Variants in PLCB1 observed in about 807,000 individuals in gnomAD.
The protein encoded by PLCB1 is 1-phosphatidylinositol 4,5-bisphosphate phosphodiesterase beta-1.
In PLCB1, 46 loss-of-function variants were observed where a neutral mutation model predicts 161.8. The ratio of observed to expected loss-of-function variants is 0.28; its 90% CI spans 0.22 to 0.36. The LOEUF is 0.36. Ranked by LOEUF, PLCB1 falls within the 10% of genes least tolerant of loss-of-function variation. The pLI is 1.00. For missense variants in PLCB1, 1,016 were observed against 1,472.5 expected, an observed-to-expected ratio of 0.69 and a Z score of 5.07; for synonymous variants, 517 against 503.7, an observed-to-expected ratio of 1.03 and a Z score of -0.35.
chr20:8,422,400 T>G lies in PLCB1; in HGVS notation c.246+50950T>G, dbSNP rs187806756. ...ATTATGCAAAATGCCTGCAGAAATA[T>G]CTCTATCAGAAGCAACTAAAACGTA... On this transcript the variant is annotated intron_variant, in intron 3 of 31. Transcript: ENST00000338037. Among the ~76,000 whole-genome samples the G allele has an allele frequency of 2.0e-5, 3 of 152,354 alleles. No individual in the cohort carries two copies. The East Asian group carries it at 5.8e-4, about 29-fold the overall frequency.
chr20:8,254,604 A>G (rs188586267), intron 2 of PLCB1, among the ~76,000 whole-genome samples: 44 of 152,160 alleles, frequency 2.9e-4, no homozygotes, highest in African/African-American at 1.0e-3. Flanking sequence ...AGGCTTATGT[A>G]ATATACAGGC....
chr20:8,754,091 G>C (rs922256627), intron 23 of PLCB1, among the ~76,000 whole-genome samples: 1 of 152,086 alleles, frequency 6.6e-6, no homozygotes, highest in Non-Finnish European at 1.5e-5. Context: ...CTTTATCCCC[G>C]ACTGCAACCA....
At chr20:8,604,209 T>C (rs1021249485) in intron 3 of PLCB1, among the ~76,000 whole-genome samples, 1 of 116,622 alleles carries the variant, frequency 8.6e-6, no homozygotes, top group African/African-American at 3.4e-5. Context: ...GCCAAGATCA[T>C]ACCACTGCAC....
intron 2 of PLCB1, among the ~76,000 whole-genome samples, chr20:8,171,010 C>T (rs1221972615): frequency 6.6e-6 from 1 of 152,102 alleles, no homozygotes; most frequent in Non-Finnish European, 1.5e-5. Flanking sequence ...ACATTATTTT[C>T]TATTCTGATT....
At chr20:8,686,118 G>A (rs1372125804) in intron 10 of PLCB1, among the ~76,000 whole-genome samples, 1 of 152,142 alleles carries the variant, frequency 6.6e-6, no homozygotes, top group East Asian at 1.9e-4. Context: ...ATAATACACA[G>A]ATCTTGCTAG....
At position 8,186,653 on chromosome 20, in the gene PLCB1, A is replaced by G. The variant is rs185864250; in HGVS notation, c.177+36282A>G. 3.3e-5 allele frequency among the ~76,000 whole-genome samples: 5 copies of G among 152,308 alleles called. No individual in the cohort carries two copies. The East Asian group carries it at 5.8e-4, about 18-fold the overall frequency. On this transcript the variant is annotated intron_variant, in intron 2 of 31. Transcript: ENST00000338037. ...TTCTCTATTTGCCTGTGATAAGTCC[A>G]GATTCTCTGAGAAGCAGACATCATC... is the stretch of plus-strand genomic sequence containing the variant.
intron 4 of PLCB1, among the ~76,000 whole-genome samples, chr20:8,645,772 A>C (rs181355791): frequency 5.3e-5 from 8 of 152,196 alleles, no homozygotes; most frequent in Non-Finnish European, 8.8e-5. Context: ...TAAATTTTTA[A>C]TGACTCTTTA....
At chr20:8,261,579 C>T (rs1320247968) in intron 2 of PLCB1, among the ~76,000 whole-genome samples, 1 of 152,002 alleles carries the variant, frequency 6.6e-6, no homozygotes, top group Non-Finnish European at 1.5e-5. Flanking sequence ...TAATGGTTGA[C>T]CAGGGGATCT....
chr20:8,132,466 C>A lies in PLCB1; in HGVS notation c.-186C>A. 1 of 335,860 alleles carries A rather than the reference C, an allele frequency of 3.0e-6. No homozygotes were observed. The allele number at this position is 335,860 out of a possible 1,614,324, so 20.8% of individuals were successfully genotyped here. A position where few individuals can be genotyped will look rare whatever the true frequency, so the allele number is the denominator to read the frequency against. On this transcript the variant is annotated 5_prime_UTR_variant, in exon 1 of 32. Coordinates refer to ENST00000338037, the MANE Select transcript of PLCB1 (RefSeq NM_015192.4). This position sits in a 1 kb window ranked among gnomAD's most constrained non-coding sequence, Gnocchi z 5.2. Reference sequence around the variant, plus strand: ...CATGGCCGGGCGCTGCGCCCCCGCGCGCTCTGCCTGCTGAGCGGCGCCGGA... The same window carrying A: ...CATGGCCGGGCGCTGCGCCCCCGCGAGCTCTGCCTGCTGAGCGGCGCCGGA...
intron 31 of PLCB1, among the ~76,000 whole-genome samples, chr20:8,855,731 A>T (rs1987045655): frequency 6.6e-6 from 1 of 152,154 alleles, no homozygotes; most frequent in African/African-American, 2.4e-5. Flanking sequence ...CATAAACCAT[A>T]AGGGGGGAAA....
At chr20:8,213,057 T>C (rs1387358126) in intron 2 of PLCB1, among the ~76,000 whole-genome samples, 2 of 152,150 alleles carry the variant, frequency 1.3e-5, no homozygotes, top group Admixed American at 6.6e-5. Flanking sequence ...TTGCACACCA[T>C]GTTTCCTTCT....
chr20:8,252,824 A>G (rs1157389691), intron 2 of PLCB1, among the ~76,000 whole-genome samples: 1 of 151,956 alleles, frequency 6.6e-6, no homozygotes, highest in African/African-American at 2.4e-5. Context: ...ACTTCCTGTC[A>G]TGGCTATAAT....
chr20:8,709,946 A>T (rs891441327), intron 12 of PLCB1, among the ~76,000 whole-genome samples: 1 of 152,170 alleles, frequency 6.6e-6, no homozygotes, highest in Non-Finnish European at 1.5e-5. Context: ...TTTAATACCT[A>T]GTTTGCTTTG....
chr20:8,810,980 A>T (rs1165145912), intron 31 of PLCB1, among the ~76,000 whole-genome samples: 1 of 152,204 alleles, frequency 6.6e-6, no homozygotes, highest in Non-Finnish European at 1.5e-5. Flanking sequence ...CTCAAAAATA[A>T]ATAAATAAAT....
intron 3 of PLCB1, among the ~76,000 whole-genome samples, chr20:8,553,045 T>G (rs1469484989): frequency 6.6e-6 from 1 of 152,130 alleles, no homozygotes; most frequent in Non-Finnish European, 1.5e-5. Flanking sequence ...CCGATTTACA[T>G]CCATCGCTGC....
chr20:8,271,241 CT>C (rs1982264257), intron 2 of PLCB1, among the ~76,000 whole-genome samples: 1 of 152,068 alleles, frequency 6.6e-6, no homozygotes, highest in Non-Finnish European at 1.5e-5. Context: ...TTCAATTTTT[CT>C]TTTGGCAGTT....
At chr20:8,735,832 C>T (rs1241166762) in intron 19 of PLCB1, among the ~76,000 whole-genome samples, 1 of 152,170 alleles carries the variant, frequency 6.6e-6, no homozygotes, top group Admixed American at 6.5e-5. Flanking sequence ...CCAAATAGAA[C>T]ATACAGGGGA....
At chr20:8,552,760 C>T (rs967433608) in intron 3 of PLCB1, among the ~76,000 whole-genome samples, 4 of 152,064 alleles carry the variant, frequency 2.6e-5, no homozygotes, top group Non-Finnish European at 2.9e-5. Flanking sequence ...AAATTCTAGG[C>T]CCCATGCTGG....
chr20:8,359,380 A>C (rs563150257), intron 2 of PLCB1, among the ~76,000 whole-genome samples: 1 of 152,290 alleles, frequency 6.6e-6, no homozygotes, highest in East Asian at 1.9e-4. Context: ...ATGAAAGGAA[A>C]GTCAGAGTAG....
Sources: gnomAD v4.1 joint callset for allele counts (sites outside exome capture counted in the v4.1 genomes callset) on GRCh38, gnomAD v4.1.1 for gene constraint, Gnocchi (gnomAD v3.1) non-coding constraint, MANE v1.5 for transcripts, NCBI Gene and HGNC (gene_info 2026-07-23, HGNC 2026-07-21) for gene names.